TMEM71: variants seen among roughly 807,000 people sequenced by gnomAD.
TMEM71 encodes transmembrane protein 71.
In TMEM71, 44 loss-of-function variants were observed where a neutral mutation model predicts 38.0. The observed-to-expected ratio is 1.16, with a 90% confidence interval of 0.91 to 1.49. The LOEUF (loss-of-function observed/expected upper bound fraction) is 1.49. Among genes scored for constraint, TMEM71 ranks in the 40% most tolerant of loss-of-function variants. The pLI is 0.00. For synonymous variants in TMEM71, 133 were observed against 122.5 expected (o/e 1.09, Z -0.56); for missense variants, 367 against 348.6 (o/e 1.05, Z -0.42).
intron 6 of TMEM71, 67 bp downstream of exon 6, chr8:132,727,731 G>T: frequency 1.4e-6 from 2 of 1,411,332 alleles, no homozygotes; most frequent in Non-Finnish European, 1.9e-6. Context: ...TCATCTCCAA[G>T]TCATTCTCAG....
chr8:132,756,288 A>G (rs1030712683), intron 3 of TMEM71, among the ~76,000 whole-genome samples: 2 of 151,754 alleles, frequency 1.3e-5, no homozygotes, highest in African/African-American at 4.8e-5. Context: ...AAAACAAGAT[A>G]GGAAAGCATA....
chr8:132,775,384 C>G, the TMEM71 span: 2 of 373,736 alleles, frequency 5.4e-6, no homozygotes, highest in African/African-American at 4.2e-5. Flanking sequence ...CCCGGCGTCG[C>G]GTCAGGGCTG....
Position 132,727,944 on chromosome 8 carries a change from G to A in TMEM71, c.530C>T (p.Ser177Leu), listed in dbSNP as rs1827241733. Residue 177 changes from serine (S) to leucine (L), a missense_variant, in exon 6 of 10, where the codon TCA becomes TTA. Transcript: ENST00000677595. Reference protein sequence around the residue: ...DCSSLTDDWESGKMNAESVIT... With the variant: ...DCSSLTDDWELGKMNAESVIT... ...CACAGACTCTGCATTCATCTTCCCT[G>A]ACTCCCAGTCATCAGTCAGAGAAGA... 6.2e-7 allele frequency: 1 copy of A among 1,613,700 alleles called. No individual in the cohort carries two copies. Among genetic ancestry groups the A allele is most frequent in the African/African-American group, 1.3e-5 (1 of 74,818 alleles).
At chr8:132,727,455 A>G (rs111306073) in intron 6 of TMEM71, among the ~76,000 whole-genome samples, 122 of 152,006 alleles carry the variant, frequency 8.0e-4, no homozygotes, top group African/African-American at 2.8e-3. Flanking sequence ...ACAGTGTTTC[A>G]CCATGTTAGC....
intron 5 of TMEM71, among the ~76,000 whole-genome samples, chr8:132,735,607 A>G (rs1176920903): frequency 2.0e-5 from 3 of 152,206 alleles, no homozygotes; most frequent in Non-Finnish European, 2.9e-5. Flanking sequence ...TTTAGAGGAT[A>G]TTTGGAAACC....
upstream of TMEM71, among the ~76,000 whole-genome samples, chr8:132,763,977 T>G (rs1412142696): frequency 6.6e-6 from 1 of 152,196 alleles, no homozygotes; most frequent in East Asian, 1.9e-4. Context: ...AAATCCCTCA[T>G]GTACTCATGA....
the TMEM71 span, among the ~76,000 whole-genome samples, chr8:132,774,574 C>T: frequency 6.6e-6 from 1 of 152,194 alleles, no homozygotes; most frequent in East Asian, 1.9e-4. Context: ...CATTTGTATG[C>T]AACGTTGCAC....
intron 5 of TMEM71, among the ~76,000 whole-genome samples, chr8:132,734,474 G>A (rs1348442737): frequency 6.6e-6 from 1 of 152,154 alleles, no homozygotes; most frequent in African/African-American, 2.4e-5. Context: ...ATGTGGACGA[G>A]ACTGTAACAA....
At chr8:132,741,804 G>A (rs1828054808) in intron 5 of TMEM71, among the ~76,000 whole-genome samples, 1 of 152,184 alleles carries the variant, frequency 6.6e-6, no homozygotes, top group Non-Finnish European at 1.5e-5. Flanking sequence ...ATAACTGTGG[G>A]CGAGCCTGAC....
intron 5 of TMEM71, among the ~76,000 whole-genome samples, chr8:132,737,560 C>A (rs1482828646): frequency 1.4e-4 from 21 of 152,206 alleles, no homozygotes. Flanking sequence ...CTCTTCAAAT[C>A]CTGGCTATGC....
chr8:132,710,944 T>C lies in TMEM71; in HGVS notation c.*23A>G. 6.2e-7 allele frequency: 1 copy of C among 1,607,694 alleles called. No homozygotes were observed. The highest frequency in any genetic ancestry group is 1.1e-5 in the South Asian group (1 of 90,572). On this transcript the variant is annotated 3_prime_UTR_variant, in exon 10 of 10. Transcript: ENST00000677595. ...CAGATATTCAGATGGAGGACATTCA[T>C]CGAAGGCATTCCTAAATGGTTGTCA...
intron 9 of TMEM71, among the ~76,000 whole-genome samples, chr8:132,711,314 T>C (rs1195393878): frequency 6.6e-6 from 1 of 152,164 alleles, no homozygotes; most frequent in Non-Finnish European, 1.5e-5. Context: ...CTGTATTATA[T>C]CAGTATTTTA....
the TMEM71 span, among the ~76,000 whole-genome samples, chr8:132,765,842 G>A: frequency 4.0e-5 from 6 of 151,188 alleles, no homozygotes; most frequent in African/African-American, 1.5e-4. Context: ...AGGCTAGAGT[G>A]CAGTGGCACG....
At chr8:132,751,669 C>A (rs1435841686) in intron 4 of TMEM71, 116 bp downstream of exon 4, 1 of 972,748 alleles carries the variant, frequency 1.0e-6, no homozygotes, top group Non-Finnish European at 1.6e-6. Flanking sequence ...TGTATTTCCA[C>A]AGTCTGGAGC....
At chr8:132,758,817 T>C (rs138186924) in intron 2 of TMEM71, 23 bp downstream of exon 2, 203 of 1,607,566 alleles carry the variant, frequency 1.3e-4, no homozygotes, top group Non-Finnish European at 1.7e-4. Flanking sequence ...GATAATTGCG[T>C]ATCACAGTTC....
intron 4 of TMEM71, among the ~76,000 whole-genome samples, chr8:132,750,706 T>A (rs2467982): frequency 0.3 from 45,068 of 152,100 alleles, 6,885 homozygotes; most frequent in Non-Finnish European, 0.33. Flanking sequence ...GAAGCAAAAG[T>A]AAATGAATGT....
intron 3 of TMEM71, among the ~76,000 whole-genome samples, chr8:132,756,361 CA>C: frequency 6.9e-6 from 1 of 145,758 alleles, no homozygotes; most frequent in Admixed American, 6.9e-5. Flanking sequence ...TTTCACCACT[CA>C]CCAGAGAAAC....
At chr8:132,706,844 A>G (rs1414289822), downstream of TMEM71, among the ~76,000 whole-genome samples, 1 of 152,184 alleles carries the variant, frequency 6.6e-6, no homozygotes, top group Admixed American at 6.5e-5. Flanking sequence ...TTAATTAGAT[A>G]TCTAACCACT....
At chr8:132,730,365 AAC>A (rs767593672) in intron 5 of TMEM71, among the ~76,000 whole-genome samples, 2 of 152,196 alleles carry the variant, frequency 1.3e-5, no homozygotes, top group Non-Finnish European at 2.9e-5. Context: ...TCTCTGTGGA[AAC>A]ACACTCTCAG....
Sources: gnomAD v4.1 joint callset for allele counts (sites outside exome capture counted in the v4.1 genomes callset) on GRCh38, gnomAD v4.1.1 for gene constraint, MANE v1.5 for transcripts, NCBI Gene and HGNC (gene_info 2026-07-23, HGNC 2026-07-21) for gene names.